Variants in CABP2 observed in about 807,000 individuals in gnomAD.
CABP2 encodes the protein calcium binding protein 2.
CABP2 carries 25 observed loss-of-function variants against 28.6 expected under a neutral mutation model. That is an observed-to-expected ratio of 0.87 (90% confidence interval 0.64 to 1.22). CABP2 has a LOEUF of 1.22. Among genes scored for constraint, CABP2 ranks in the 50% most tolerant of loss-of-function variants. The probability of loss-of-function intolerance (pLI) is 0.00; values close to 1 mark genes in which losing one functional copy is unlikely to be tolerated. For synonymous variants in CABP2, 138 were observed against 126.0 expected (o/e 1.09, Z -0.64); for missense variants, 310 against 312.2 (o/e 0.99, Z 0.05).
intron 2 of CABP2, 45 bp from the exon 3 acceptor site, chr11:67,522,027 A>C: frequency 3.8e-6 from 6 of 1,584,334 alleles, no homozygotes; most frequent in Non-Finnish European, 5.2e-6. Flanking sequence ...CCTACTGATG[A>C]CTGTGCCCTT....
chr11:67,521,229 C>A, intron 3 of CABP2, 70 bp from the exon 4 acceptor site: 1 of 1,499,572 alleles, frequency 6.7e-7, no homozygotes, highest in South Asian at 1.2e-5. Flanking sequence ...GCCTACCCTT[C>A]TCCCTTGGTC....
chr11:67,519,220 G>A (rs1470172447), intron 6 of CABP2, 56 bp from the exon 7 acceptor site: 34 of 1,598,236 alleles, frequency 2.1e-5, no homozygotes, highest in Non-Finnish European at 2.5e-5. Context: ...CTAGGAGTGA[G>A]GATCATCTGC....
intron 6 of CABP2, 75 bp downstream of exon 6, chr11:67,519,718 G>A: frequency 1.4e-6 from 2 of 1,468,406 alleles, no homozygotes; most frequent in African/African-American, 1.4e-5. Flanking sequence ...GTGCCCAGTG[G>A]TGACTCTTGC....
intron 6 of CABP2, 88 bp downstream of exon 6, chr11:67,519,705 C>A: frequency 7.6e-7 from 1 of 1,318,744 alleles, no homozygotes; most frequent in South Asian, 1.3e-5. Flanking sequence ...GGCACAGGGT[C>A]TGGTGCCCAG....
At position 67,519,911 on chromosome 11, in the gene CABP2, G is replaced by A. The variant is rs746902163; in HGVS notation, c.519C>T (p.Ser173=). 28 of 1,610,682 alleles carry A rather than the reference G, an allele frequency of 1.7e-5. No homozygotes were observed. Among genetic ancestry groups the A allele is most frequent in the Admixed American group, 1.0e-4 (6 of 59,948 alleles). ...EFDTNGDGRI[S]VGELRAALKA... is the part of the protein sequence containing the mutation. ...TGAGGGCCGCCCGGAGCTCGCCCAC[G>A]CTGATGCGGCCGTCCCCATTGGTGT... The change falls in exon 6 of 7, where the codon AGC becomes AGT. Residue 173 remains serine (S), a synonymous_variant. Transcript: ENST00000294288.
Position 67,522,681 on chromosome 11 carries a change from G to A in CABP2, c.78C>T (p.Gly26=). 1.3e-6 allele frequency: 2 copies of A among 1,526,942 alleles called. No homozygotes were observed. The highest frequency in any genetic ancestry group is 1.8e-6 in the Non-Finnish European group (2 of 1,133,654). The allele number at this position is 1,526,942 out of a possible 1,614,324, so 94.6% of individuals were successfully genotyped here. A position where few individuals can be genotyped will look rare whatever the true frequency, so the allele number is the denominator to read the frequency against. The change falls in exon 2 of 7, where the codon GGC becomes GGT. Residue 26 remains glycine, a synonymous_variant. Transcript: ENST00000294288. ...GGCTGGAGCTGGGGCTGGGGCAGGAGCCCCTTGGTGGGGAGCCGAGCCACT... is the reference window on the plus strand; with the variant it reads ...GGCTGGAGCTGGGGCTGGGGCAGGAACCCCTTGGTGGGGAGCCGAGCCACT... ...PLQWLGSPPR[G]SCPSPSSSPK...
At chr11:67,520,875 C>T in intron 4 of CABP2, 150 bp downstream of exon 4, 1 of 816,638 alleles carries the variant, frequency 1.2e-6, no homozygotes, top group Non-Finnish European at 2.0e-6. Flanking sequence ...TGAGATTCTC[C>T]AGAGGCAGAG....
In CABP2 at chr11:67,521,128, T is replaced by C. The variant is rs1324297212; in HGVS notation, c.276A>G (p.Arg92=). Residue 92 remains arginine, a synonymous_variant, in exon 4 of 7, where the codon CGA becomes CGG. Transcript: ENST00000294288. ...ELQVAFQEFD[R]DRDGYIGCRE... ...GGCAGCCAATGTAGCCGTCCCGGTC[T>C]CGGTCAAACTCCTGGAAGGCGACCT... is the stretch of plus-strand genomic sequence containing the variant. The C allele has an allele frequency of 6.2e-7, 1 of 1,613,190 alleles. No homozygotes were observed. The highest frequency in any genetic ancestry group is 1.3e-5 in the African/African-American group (1 of 74,840).
In CABP2 at chr11:67,519,779, G is replaced by C; in HGVS notation, c.637+14C>G. On this transcript the variant is annotated intron_variant, in intron 6 of 6. Coordinates refer to ENST00000294288, the MANE Select transcript of CABP2 (RefSeq NM_016366.3). Reference sequence around the variant, plus strand: ...CCTTCCAGGGCGTGTGTTGCTATGTGCGGCAGGGGGTACCTTCGAAGTCGA... The same window carrying C: ...CCTTCCAGGGCGTGTGTTGCTATGTCCGGCAGGGGGTACCTTCGAAGTCGA... 6.2e-7 allele frequency: 1 copy of C among 1,613,078 alleles called. No individual in the cohort carries two copies. The highest frequency in any genetic ancestry group is 8.5e-7 in the Non-Finnish European group (1 of 1,179,262).
rs200631990 is a variant in CABP2, at chr11:67,521,122, C to T, written c.282G>A (p.Arg94=). The change falls in exon 4 of 7, where the codon CGG becomes CGA. Residue 94 remains arginine (R), a synonymous_variant. Transcript: ENST00000294288. ...QVAFQEFDRD[R]DGYIGCRELG... ...GCTCCCGGCAGCCAATGTAGCCGTCCCGGTCTCGGTCAAACTCCTGGAAGG... is the reference window on the plus strand; with the variant it reads ...GCTCCCGGCAGCCAATGTAGCCGTCTCGGTCTCGGTCAAACTCCTGGAAGG... 3.1e-6 allele frequency: 5 copies of T among 1,613,686 alleles called. No homozygotes were observed. In the East Asian group the frequency reaches 8.9e-5, roughly 29 times the overall value.
chr11:67,521,710 G>T (rs1866749513), intron 3 of CABP2, among the ~76,000 whole-genome samples: 1 of 152,180 alleles, frequency 6.6e-6, no homozygotes, highest in South Asian at 2.1e-4. Context: ...AATATAAAAG[G>T]GGCCCTGTCA....
At chr11:67,522,071 C>T in intron 2 of CABP2, 89 bp from the exon 3 acceptor site, 2 of 1,148,412 alleles carry the variant, frequency 1.7e-6, no homozygotes, top group Non-Finnish European at 2.6e-6. Flanking sequence ...CACCCAGCCC[C>T]ACAATCCAAC....
At chr11:67,521,870 G>GGCCCCCCCCCCCCCCCCCC in intron 3 of CABP2, 82 bp downstream of exon 3, 2 of 470,124 alleles carry the variant, frequency 4.3e-6, no homozygotes, top group Non-Finnish European at 7.8e-6. Flanking sequence ...CCCACCCGAT[G>GGCCCCCCCCCCCCCCCCCC]CCCCCCCAAC....
intron 4 of CABP2, 72 bp downstream of exon 4, chr11:67,520,953 G>T: frequency 1.3e-6 from 2 of 1,528,088 alleles, no homozygotes; most frequent in Non-Finnish European, 1.8e-6. Flanking sequence ...TGTGTACCTG[G>T]ACTGCTTGGC....
At position 67,518,975 on chromosome 11, in the gene CABP2, G is replaced by A. The variant is rs1866698193; in HGVS notation, c.*164C>T. 4.5e-6 allele frequency: 3 copies of A among 668,364 alleles called. No homozygotes were observed. Among genetic ancestry groups the A allele is most frequent in the Non-Finnish European group, 8.0e-6 (3 of 374,318 alleles). 41.4% of individuals were successfully genotyped at this position (668,364 alleles called of 1,614,324 possible). The stretch of plus-strand genomic sequence containing the variant: ...AGAGACAAGGCCAGGCGGCTTTATT[G>A]GAGAAGTGGTGGTGGGGGTGAAGGC... On this transcript the variant is annotated 3_prime_UTR_variant, in exon 7 of 7. Coordinates refer to ENST00000294288, the MANE Select transcript of CABP2 (RefSeq NM_016366.3).
intron 1 of CABP2, 26 bp downstream of exon 1, chr11:67,523,259 T>TGGGTTTCTCCCCTGACCC (rs1866778240): frequency 1.8e-5 from 27 of 1,528,066 alleles, no homozygotes; most frequent in Non-Finnish European, 2.3e-5. Flanking sequence ...CCTCCTGGCC[T>TGGGTTTCTCCCCTGACCC]GGGTTTCTCC....
intron 4 of CABP2, among the ~76,000 whole-genome samples, chr11:67,520,653 TAAACAAAAAACAAA>T (rs760856255): frequency 6.6e-6 from 1 of 152,042 alleles, no homozygotes; most frequent in African/African-American, 2.4e-5. Context: ...AGACCCCATC[TAAACAAAAAACAAA>T]AAACAAAAAA....
rs1866722404 is a variant in CABP2, at chr11:67,520,011, G to A, written c.489+40C>T. On this transcript the variant is annotated intron_variant, in intron 5 of 6. Transcript: ENST00000294288. ...CACGCGCAGCCCCTCACTCACGGCA[G>A]ACACGCAGCCCTGCCCGCCCTCAGC... 2.5e-6 allele frequency: 4 copies of A among 1,602,454 alleles called. No individual in the cohort carries two copies. In the East Asian group the frequency reaches 9.0e-5, roughly 36 times the overall value.
chr11:67,520,125 G>A lies in CABP2; in HGVS notation c.415C>T (p.Leu139=), dbSNP rs1236543497. Residue 139 remains leucine (L), a synonymous_variant, in exon 5 of 7, where the codon CTG becomes TTG. Transcript: ENST00000294288. ...TCTGCCAGCAGCTTGGGGCCCATCA[G>A]CTCCACGAAGTCTTCAAAGTCCACC... ...GKVDFEDFVE[L]MGPKLLAETA... is the part of the protein sequence containing the mutation. 1 of 1,613,948 alleles carries A rather than the reference G, an allele frequency of 6.2e-7. No homozygotes were observed. Among genetic ancestry groups the A allele is most frequent in the South Asian group, 1.1e-5 (1 of 91,078 alleles).
Sources: allele counts gnomAD v4.1 joint callset (sites outside exome capture counted in the v4.1 genomes callset), GRCh38; gene constraint gnomAD v4.1.1; transcripts MANE v1.5; gene names NCBI Gene and HGNC (gene_info 2026-07-23, HGNC 2026-07-21).